CAPZB: variants seen among roughly 807,000 people sequenced by gnomAD.
The protein encoded by CAPZB is F-actin-capping protein subunit beta.
In CAPZB, 2 loss-of-function variants were observed where a neutral mutation model predicts 38.1. The ratio of observed to expected loss-of-function variants is 0.05; its 90% CI spans 0.02 to 0.17. CAPZB has a LOEUF of 0.17. CAPZB is among the 10% of genes least tolerant of loss of function. CAPZB has a pLI of 1.00. For synonymous variants in CAPZB, 107 were observed against 127.4 expected (o/e 0.84, Z 1.08); for missense variants, 161 against 334.2 (o/e 0.48, Z 4.04).
At chr1:19,395,832 TG>T (rs2094264313) in intron 2 of CAPZB, among the ~76,000 whole-genome samples, 1 of 152,178 alleles carries the variant, frequency 6.6e-6, no homozygotes, top group African/African-American at 2.4e-5. Flanking sequence ...GTCACCAGAA[TG>T]GAAGTCATCT....
At chr1:19,396,919 C>T (rs894149079) in intron 2 of CAPZB, among the ~76,000 whole-genome samples, 2 of 152,004 alleles carry the variant, frequency 1.3e-5, no homozygotes, top group African/African-American at 4.8e-5. Flanking sequence ...CGCCACTACA[C>T]TCCAGCCTGG....
At chr1:19,440,798 C>T (rs1030531255) in intron 1 of CAPZB, among the ~76,000 whole-genome samples, 24 of 152,296 alleles carry the variant, frequency 1.6e-4, no homozygotes, top group South Asian at 1.4e-3. Flanking sequence ...CGGTGGCTCA[C>T]GCCTGTAATC....
At chr1:19,381,677 C>T (rs930208264) in intron 3 of CAPZB, among the ~76,000 whole-genome samples, 21 of 144,672 alleles carry the variant, frequency 1.5e-4, no homozygotes, top group African/African-American at 5.4e-4. Flanking sequence ...ACCACCATGC[C>T]CAGCTAATTT....
intron 1 of CAPZB, among the ~76,000 whole-genome samples, chr1:19,464,843 C>A (rs140984850): frequency 6.6e-6 from 1 of 151,996 alleles, no homozygotes; most frequent in East Asian, 1.9e-4. Flanking sequence ...GGCAAAACCG[C>A]GGTGACAAAG....
rs2094021482 is a variant in CAPZB at position 19,356,458 on chromosome 1, C to A, written c.588+177G>T. Reference sequence around the variant, plus strand: ...GCAGAGTGCCAGCAGCTGTGGGCAACCTTGCACAGCCCAGAGAGCTTTTAT... The same window carrying A: ...GCAGAGTGCCAGCAGCTGTGGGCAAACTTGCACAGCCCAGAGAGCTTTTAT... On this transcript the variant is annotated intron_variant, in intron 6 of 8. Transcript: ENST00000264202. The surrounding 1 kb of genome is among the most constrained non-coding windows in gnomAD (Gnocchi z 4.3). Among the ~76,000 whole-genome samples, 1 of 152,306 alleles carries A rather than the reference C, an allele frequency of 6.6e-6. No individual in the cohort carries two copies. The highest frequency in any genetic ancestry group is 1.9e-4 in the East Asian group (1 of 5,174).
chr1:19,354,710 G>C (rs2094010809), intron 6 of CAPZB, among the ~76,000 whole-genome samples: 1 of 152,208 alleles, frequency 6.6e-6, no homozygotes, highest in South Asian at 2.1e-4. Flanking sequence ...TAAACTATTA[G>C]GAGGGCTGAG....
chr1:19,381,231 A>C (rs1413302068), intron 3 of CAPZB, among the ~76,000 whole-genome samples: 1 of 151,984 alleles, frequency 6.6e-6, no homozygotes, highest in Non-Finnish European at 1.5e-5. Context: ...TAAATAAATA[A>C]AATAAAAAAG....
intron 2 of CAPZB, among the ~76,000 whole-genome samples, chr1:19,391,642 TA>T (rs1287169209): frequency 6.6e-6 from 1 of 152,190 alleles, no homozygotes; most frequent in Non-Finnish European, 1.5e-5. Context: ...TGGCATTCTG[TA>T]AAAACACCAA....
intron 4 of CAPZB, among the ~76,000 whole-genome samples, chr1:19,377,740 T>C (rs746040214): frequency 6.6e-6 from 1 of 152,254 alleles, no homozygotes; most frequent in Non-Finnish European, 1.5e-5. Flanking sequence ...TGAGATTCTG[T>C]TGATTATGGC....
At chr1:19,470,397 T>C (rs1250205888) in intron 1 of CAPZB, among the ~76,000 whole-genome samples, 1 of 152,226 alleles carries the variant, frequency 6.6e-6, no homozygotes, top group African/African-American at 2.4e-5. Flanking sequence ...CTTAGATTTC[T>C]TCTTGAACTC....
At chr1:19,368,852 A>G (rs1284581354) in intron 4 of CAPZB, among the ~76,000 whole-genome samples, 3 of 152,088 alleles carry the variant, frequency 2.0e-5, no homozygotes, top group Non-Finnish European at 4.4e-5. Context: ...TGATACTTGC[A>G]CAAAGCAGTT....
intron 8 of CAPZB, among the ~76,000 whole-genome samples, chr1:19,343,166 G>A (rs562558806): frequency 1.1e-4 from 17 of 152,304 alleles, no homozygotes; most frequent in African/African-American, 3.6e-4. Context: ...TTGGTGTATC[G>A]GGCAGTGGCT....
intron 4 of CAPZB, among the ~76,000 whole-genome samples, chr1:19,365,669 A>T (rs1299585132): frequency 1.3e-5 from 2 of 151,022 alleles, no homozygotes; most frequent in South Asian, 2.1e-4. Context: ...CGTCTCTATT[A>T]AAAAAACACA....
intron 2 of CAPZB, among the ~76,000 whole-genome samples, chr1:19,401,544 G>C (rs1422063615): frequency 6.6e-6 from 1 of 152,178 alleles, no homozygotes; most frequent in Non-Finnish European, 1.5e-5. Flanking sequence ...CCTCAGGTGA[G>C]CCTTTTAAAA....
intron 1 of CAPZB, among the ~76,000 whole-genome samples, chr1:19,437,462 T>C (rs1277580812): frequency 6.6e-6 from 1 of 152,150 alleles, no homozygotes; most frequent in Non-Finnish European, 1.5e-5. Context: ...GGGTTGCTGT[T>C]AACTTCCAAT....
chr1:19,344,817 C>T (rs910861454), intron 7 of CAPZB, among the ~76,000 whole-genome samples: 4 of 152,344 alleles, frequency 2.6e-5, no homozygotes, highest in Middle Eastern at 3.4e-3. Context: ...CCAAGGCAGC[C>T]GCAACTGAAG....
At chr1:19,385,425 T>C in intron 3 of CAPZB, 80 bp downstream of exon 3, 2 of 1,571,852 alleles carry the variant, frequency 1.3e-6, no homozygotes, top group Non-Finnish European at 1.7e-6. Flanking sequence ...AAGTCCAAGG[T>C]CCCCGTGCTC....
chr1:19,428,420 C>CAA (rs71577894), intron 1 of CAPZB, among the ~76,000 whole-genome samples: 4 of 127,172 alleles, frequency 3.1e-5, no homozygotes, highest in Admixed American at 7.8e-5. Flanking sequence ...CCCCACCTGC[C>CAA]AAAAAAAAAA....
intron 4 of CAPZB, among the ~76,000 whole-genome samples, chr1:19,363,235 C>T (rs546566891): frequency 8.7e-5 from 13 of 149,174 alleles, no homozygotes; most frequent in Non-Finnish European, 1.8e-4. Context: ...GCATGCACCA[C>T]CATGCATGGC....
Sources: allele counts gnomAD v4.1 joint callset (sites outside exome capture counted in the v4.1 genomes callset), GRCh38; gene constraint gnomAD v4.1.1; non-coding constraint Gnocchi (gnomAD v3.1); transcripts MANE v1.5; gene names NCBI Gene and HGNC (gene_info 2026-07-23, HGNC 2026-07-21).